The following MAF variants were observed in gnomAD, a reference collection of about 807,000 sequenced individuals.
MAF encodes transcription factor Maf.
A neutral mutation model predicts 22.0 loss-of-function variants in MAF; 10 were observed. The observed-to-expected ratio is 0.45, with a 90% CI of 0.28 to 0.77. The LOEUF (loss-of-function observed/expected upper bound fraction) is 0.77. Ranked by LOEUF, MAF falls within the 30% of genes least tolerant of loss-of-function variation. MAF has a pLI of 0.12. For synonymous variants in MAF, 337 were observed against 255.8 expected (o/e 1.32, Z -3.03); for missense variants, 544 against 548.4 (o/e 0.99, Z 0.08).
chr16:79,391,475 T>C, the MAF span, among the ~76,000 whole-genome samples: 1 of 152,150 alleles, frequency 6.6e-6, no homozygotes, highest in Non-Finnish European at 1.5e-5. Flanking sequence ...AGGTTTTATT[T>C]CATGGCAGTT....
At chr16:79,383,415 A>G in the MAF span, among the ~76,000 whole-genome samples, 4 of 152,226 alleles carry the variant, frequency 2.6e-5, no homozygotes, top group Non-Finnish European at 5.9e-5. Context: ...GGTTTAAAAA[A>G]AAATGAAGGA....
the MAF span, among the ~76,000 whole-genome samples, chr16:79,538,286 C>A: frequency 1.3e-5 from 2 of 152,162 alleles, no homozygotes; most frequent in South Asian, 2.1e-4. Context: ...AAGCACAGTA[C>A]AAGATGCATA....
the MAF span, among the ~76,000 whole-genome samples, chr16:79,240,329 T>A: frequency 3.3e-5 from 5 of 151,174 alleles, no homozygotes; most frequent in South Asian, 1.0e-3. Flanking sequence ...TTCTTCTGTC[T>A]GTATGCCTGG....
chr16:79,585,973 G>C, intron 1 of MAF: 1 of 667,026 alleles, frequency 1.5e-6, no homozygotes, highest in Non-Finnish European at 2.7e-6. Flanking sequence ...AATAAACAAA[G>C]GGTAATTAAT....
At chr16:79,236,306 T>C in the MAF span, among the ~76,000 whole-genome samples, 1 of 151,990 alleles carries the variant, frequency 6.6e-6, no homozygotes, top group Admixed American at 6.6e-5. Context: ...GTCTGTGTCC[T>C]CTACCTGGGG....
the MAF span, among the ~76,000 whole-genome samples, chr16:79,208,404 G>C: frequency 2.6e-5 from 4 of 152,036 alleles, no homozygotes; most frequent in Non-Finnish European, 5.9e-5. Context: ...TCGTTTAGGG[G>C]AACCCATAGC....
the MAF span, among the ~76,000 whole-genome samples, chr16:79,510,605 G>C: frequency 6.6e-6 from 1 of 152,150 alleles, no homozygotes; most frequent in South Asian, 2.1e-4. Flanking sequence ...AAGCCACCCT[G>C]GGATCTATTT....
chr16:79,517,536 C>A, the MAF span, among the ~76,000 whole-genome samples: 1 of 151,212 alleles, frequency 6.6e-6, no homozygotes, highest in African/African-American at 2.4e-5. Context: ...GAGCTCCTTT[C>A]CCAGAGTGAG....
the MAF span, among the ~76,000 whole-genome samples, chr16:79,324,684 G>A: frequency 2.6e-5 from 4 of 152,314 alleles, no homozygotes; most frequent in African/African-American, 7.2e-5. Flanking sequence ...TCTACAGAAA[G>A]GGGAGGAGGC....
At chr16:79,493,875 C>A in the MAF span, among the ~76,000 whole-genome samples, 1 of 151,056 alleles carries the variant, frequency 6.6e-6, no homozygotes, top group South Asian at 2.1e-4. Flanking sequence ...CCCTTAGTCT[C>A]TATTCTTGGT....
chr16:79,307,558 A>T, the MAF span, among the ~76,000 whole-genome samples: 1 of 152,252 alleles, frequency 6.6e-6, no homozygotes, highest in Admixed American at 6.5e-5. Context: ...GATGGGCGAT[A>T]AAATGAGAAA....
chr16:79,215,795 G>A, the MAF span, among the ~76,000 whole-genome samples: 1 of 152,116 alleles, frequency 6.6e-6, no homozygotes, highest in Non-Finnish European at 1.5e-5. Flanking sequence ...TGCTATAAAG[G>A]AATTTACATC....
the MAF span, among the ~76,000 whole-genome samples, chr16:79,286,830 C>A: frequency 6.6e-6 from 1 of 152,180 alleles, no homozygotes; most frequent in African/African-American, 2.4e-5. Context: ...GCACAAACAC[C>A]CTCGTAGAGA....
the MAF span, among the ~76,000 whole-genome samples, chr16:79,497,583 T>C: frequency 6.6e-6 from 1 of 152,338 alleles, no homozygotes; most frequent in East Asian, 1.9e-4. Flanking sequence ...CTAATTCACC[T>C]CACAGGCCTC....
chr16:79,246,591 G>C, the MAF span, among the ~76,000 whole-genome samples: 31 of 151,130 alleles, frequency 2.1e-4, no homozygotes, highest in Admixed American at 9.9e-4. Flanking sequence ...TACTGTTAAT[G>C]AGAAAAGAGA....
the MAF span, among the ~76,000 whole-genome samples, chr16:79,368,741 G>T: frequency 6.6e-6 from 1 of 152,014 alleles, no homozygotes; most frequent in African/African-American, 2.4e-5. Context: ...CTCCTGCCTC[G>T]GGACTTTTGC....
At chr16:79,333,647 T>A in the MAF span, among the ~76,000 whole-genome samples, 1 of 152,190 alleles carries the variant, frequency 6.6e-6, no homozygotes, top group African/African-American at 2.4e-5. Context: ...ATGATGAGAA[T>A]AAGAAAAGAA....
the MAF span, among the ~76,000 whole-genome samples, chr16:79,425,166 T>C: frequency 6.6e-6 from 1 of 152,238 alleles, no homozygotes; most frequent in Admixed American, 6.5e-5. Context: ...TATTTCATAT[T>C]GCAAATGTAT....
At chr16:79,359,793 C>T in the MAF span, among the ~76,000 whole-genome samples, 4 of 152,032 alleles carry the variant, frequency 2.6e-5, no homozygotes, top group Non-Finnish European at 4.4e-5. Context: ...AAAAGAGACA[C>T]TGGCATTCAG....
Sources: gnomAD v4.1 joint callset for allele counts (sites outside exome capture counted in the v4.1 genomes callset) on GRCh38, gnomAD v4.1.1 for gene constraint, MANE v1.5 for transcripts, NCBI Gene and HGNC (gene_info 2026-07-23, HGNC 2026-07-21) for gene names.